The following IFT74 variants were observed in gnomAD, a reference collection of about 807,000 sequenced individuals.
IFT74 encodes intraflagellar transport 74.
In IFT74, 92 loss-of-function variants were observed where a neutral mutation model predicts 96.7. That is an observed-to-expected ratio of 0.95 (90% CI 0.80 to 1.13). The LOEUF is 1.13. Ranked by LOEUF, IFT74 falls within the 50% of genes most tolerant of loss-of-function variation. The pLI, the probability that IFT74 is intolerant of heterozygous loss-of-function variation, is 0.00. For synonymous variants in IFT74, 223 were observed against 213.2 expected (o/e 1.05, Z -0.40); for missense variants, 811 against 698.2 (o/e 1.16, Z -1.82).
intron 6 of IFT74, among the ~76,000 whole-genome samples, chr9:26,986,947 GACTAC>G (rs1252447481): frequency 6.6e-6 from 1 of 152,112 alleles, no homozygotes; most frequent in Non-Finnish European, 1.5e-5. Context: ...AAATTTCCTG[GACTAC>G]ACAATTCATC....
At chr9:26,950,857 T>G (rs541603927) in intron 1 of IFT74, among the ~76,000 whole-genome samples, 1 of 152,256 alleles carries the variant, frequency 6.6e-6, no homozygotes, top group Non-Finnish European at 1.5e-5. Context: ...AAATAACTAT[T>G]TTAATGTCAC....
At chr9:27,001,262 C>T (rs1274555675) in intron 8 of IFT74, among the ~76,000 whole-genome samples, 3 of 152,082 alleles carry the variant, frequency 2.0e-5, no homozygotes, top group Non-Finnish European at 4.4e-5. Context: ...TCCTCCAATA[C>T]ACATGGGAGT....
At chr9:26,962,932 T>C (rs1013642777) in intron 2 of IFT74, among the ~76,000 whole-genome samples, 2 of 151,604 alleles carry the variant, frequency 1.3e-5, no homozygotes, top group African/African-American at 4.8e-5. Context: ...ACTAATTTTT[T>C]TTTTTTTCTT....
At chr9:27,014,419 G>C (rs1829249742) in intron 10 of IFT74, among the ~76,000 whole-genome samples, 1 of 152,048 alleles carries the variant, frequency 6.6e-6, no homozygotes, top group Admixed American at 6.6e-5. Flanking sequence ...TACTTCACTT[G>C]GTGAATTTGG....
intron 1 of IFT74, among the ~76,000 whole-genome samples, chr9:26,958,884 A>G (rs2131471219): frequency 6.6e-6 from 1 of 152,294 alleles, no homozygotes; most frequent in African/African-American, 2.4e-5. Flanking sequence ...AATGCTCTAT[A>G]TAAGGACAGA....
chr9:26,986,295 G>A (rs986848051), intron 6 of IFT74, among the ~76,000 whole-genome samples: 2 of 149,490 alleles, frequency 1.3e-5, no homozygotes, highest in African/African-American at 2.5e-5. Flanking sequence ...TGGTGGTGGT[G>A]GTGGGTTTTG....
intron 13 of IFT74, among the ~76,000 whole-genome samples, chr9:27,038,621 T>A (rs1819318887): frequency 6.6e-6 from 1 of 152,130 alleles, no homozygotes; most frequent in African/African-American, 2.4e-5. Flanking sequence ...TGAGGAATGC[T>A]TCTCTGACAT....
At position 27,065,283 on chromosome 9, in the gene IFT74, G is replaced by A. The variant is rs988093885; in HGVS notation, c.*2547G>A. Among the ~76,000 whole-genome samples the A allele has an allele frequency of 6.6e-6, 1 of 152,106 alleles. No homozygotes were observed. Among genetic ancestry groups the A allele is most frequent in the Admixed American group, 6.5e-5 (1 of 15,272 alleles). ...AATGTCTCTCTTCCTTCCTCTGAGA[G>A]CCTTTCCACAAATCCAACAAGAATA... On this transcript the variant is annotated 3_prime_UTR_variant, in exon 20 of 20. Coordinates refer to ENST00000380062, the MANE Select transcript of IFT74 (RefSeq NM_025103.4).
At chr9:26,947,953 A>G (rs568021747) in intron 1 of IFT74, among the ~76,000 whole-genome samples, 1 of 152,218 alleles carries the variant, frequency 6.6e-6, no homozygotes, top group African/African-American at 2.4e-5. Flanking sequence ...ATCAGACCTT[A>G]TTGAGTGCCA....
chr9:26,992,642 G>A (rs1370296243), intron 8 of IFT74, among the ~76,000 whole-genome samples: 3 of 151,836 alleles, frequency 2.0e-5, no homozygotes, highest in Admixed American at 2.0e-4. Flanking sequence ...TCAGTAAGCC[G>A]AGATTGCGCC....
chr9:27,030,251 G>A (rs924731317), intron 13 of IFT74, among the ~76,000 whole-genome samples: 2 of 152,086 alleles, frequency 1.3e-5, no homozygotes, highest in Non-Finnish European at 2.9e-5. Flanking sequence ...ATGTATTCTT[G>A]TTATGGCTAA....
chr9:26,963,434 T>C (rs1826458471), intron 2 of IFT74, among the ~76,000 whole-genome samples: 2 of 150,446 alleles, frequency 1.3e-5, no homozygotes, highest in Non-Finnish European at 2.9e-5. Context: ...TGCATGTGTC[T>C]TTATAGCAGC....
chr9:27,064,792 C>G lies in IFT74; in HGVS notation c.*2056C>G, dbSNP rs1159378285. ...TAAGTGTTCTTGACATTTTACTGCACCCTTTTAAATAACCAACTTAGTAAT... is the reference window on the plus strand; with the variant it reads ...TAAGTGTTCTTGACATTTTACTGCAGCCTTTTAAATAACCAACTTAGTAAT... On this transcript the variant is annotated 3_prime_UTR_variant, in exon 20 of 20. Coordinates refer to ENST00000380062, the MANE Select transcript of IFT74 (RefSeq NM_025103.4). 6.6e-6 allele frequency among the ~76,000 whole-genome samples: 1 copy of G among 151,750 alleles called. No individual in the cohort carries two copies. The highest frequency in any genetic ancestry group is 1.5e-5 in the Non-Finnish European group (1 of 67,924).
intron 1 of IFT74, among the ~76,000 whole-genome samples, chr9:26,950,191 A>G (rs1397477630): frequency 6.6e-6 from 1 of 152,128 alleles, no homozygotes; most frequent in Non-Finnish European, 1.5e-5. Flanking sequence ...ACGCGCCTGT[A>G]GTCCCAGCTA....
intron 8 of IFT74, among the ~76,000 whole-genome samples, chr9:26,999,002 GCAAT>G (rs895168444): frequency 6.6e-6 from 1 of 152,008 alleles, no homozygotes; most frequent in East Asian, 1.9e-4. Context: ...TCAAAAGCAA[GCAAT>G]CAATCAATCA....
At chr9:27,031,250 G>A (rs903238871) in intron 13 of IFT74, among the ~76,000 whole-genome samples, 1 of 152,066 alleles carries the variant, frequency 6.6e-6, no homozygotes, top group African/African-American at 2.4e-5. Flanking sequence ...ATGCCGAGGT[G>A]GGCGGATCAC....
At position 26,962,034 on chromosome 9, in the gene IFT74, A is replaced by G; in HGVS notation, c.67A>G (p.Arg23Gly). The change falls in exon 2 of 20, where the codon AGG becomes GGG. Residue 23 changes from arginine to glycine, a missense_variant. By Grantham distance (125) the Arg-to-Gly change is moderately radical (BLOSUM62 -2). Transcript: ENST00000380062. Reference sequence around the variant, plus strand: ...AAGAGGTGGAGTTGGGTTAACAGGAAGGCCTCCTTCTGGGATACGACCCCT... The same window carrying G: ...AAGAGGTGGAGTTGGGTTAACAGGAGGGCCTCCTTCTGGGATACGACCCCT... ...VSRGGVGLTGRPPSGIRPLSG... is the reference protein window; with the variant it reads ...VSRGGVGLTGGPPSGIRPLSG... The G allele has an allele frequency of 1.2e-6, 2 of 1,614,186 alleles. No homozygotes were observed. The highest frequency in any genetic ancestry group is 2.7e-5 in the African/African-American group (2 of 75,050).
chr9:27,013,699 TG>T (rs1430701608), intron 10 of IFT74, among the ~76,000 whole-genome samples: 3 of 152,212 alleles, frequency 2.0e-5, no homozygotes, highest in Non-Finnish European at 4.4e-5. Context: ...TCTTTTTCTT[TG>T]AACTCCTTTT....
chr9:26,998,851 G>A (rs12555239), intron 8 of IFT74, among the ~76,000 whole-genome samples: 31,696 of 151,530 alleles, frequency 0.21, 4,020 homozygotes, highest in Admixed American at 0.27. Context: ...AAAGTCAGCC[G>A]GGCATGGTGG....
Sources: gnomAD v4.1 joint callset for allele counts (sites outside exome capture counted in the v4.1 genomes callset) on GRCh38, gnomAD v4.1.1 for gene constraint, MANE v1.5 for transcripts, NCBI Gene and HGNC (gene_info 2026-07-23, HGNC 2026-07-21) for gene names.